Variants in PCDHGA10 observed in about 807,000 individuals in gnomAD.
PCDHGA10 encodes protocadherin gamma-A10.
PCDHGA10 carries 42 observed loss-of-function variants against 59.5 expected under a neutral mutation model. The observed-to-expected ratio is 0.71, with a 90% CI of 0.55 to 0.91. The LOEUF (loss-of-function observed/expected upper bound fraction) is 0.91, where lower values mean the gene tolerates loss of function less well. Among genes scored for constraint, PCDHGA10 ranks in the 40% least tolerant of loss-of-function variants. PCDHGA10 has a pLI of 0.00. For missense variants in PCDHGA10, 1,111 were observed against 1,198.2 expected (o/e 0.93, Z 1.07); for synonymous variants, 511 against 517.2 (o/e 0.99, Z 0.16).
At chr5:141,426,810 C>T (rs769435523) in intron 1 of PCDHGA10, 4 of 456,568 alleles carry the variant, frequency 8.8e-6, no homozygotes, top group Non-Finnish European at 1.8e-5. Flanking sequence ...TTCTAATGAA[C>T]ATTTCTCTCT....
In PCDHGA10 at chr5:141,413,195, G is replaced by A. The variant is rs771456948; in HGVS notation, c.20G>A (p.Arg7His). 2 of 1,610,846 alleles carry A rather than the reference G, an allele frequency of 1.2e-6. No homozygotes were observed. Among genetic ancestry groups the A allele is most frequent in the Admixed American group, 1.7e-5 (1 of 59,652 alleles). Residue 7 changes from arginine (R) to histidine (H), a missense_variant, in exon 1 of 4, where the codon CGC (arginine) becomes CAC (histidine). Coordinates refer to ENST00000398610, the MANE Select transcript of PCDHGA10 (RefSeq NM_018913.3). Reference sequence around the variant, plus strand: ...ACTACAATGGCCGCTCAAAGGAATCGCTCAAAGGAATCAAAGGATTGCAGC... The same window carrying A: ...ACTACAATGGCCGCTCAAAGGAATCACTCAAAGGAATCAAAGGATTGCAGC... The part of the protein sequence containing the change: MAAQRN[R>H]SKESKDCSGL...
chr5:141,422,727 G>A, intron 1 of PCDHGA10: 6 of 1,606,552 alleles, frequency 3.7e-6, no homozygotes, highest in Non-Finnish European at 5.1e-6. Flanking sequence ...TCCAGGGGGT[G>A]CCTCTGTCCT....
intron 2 of PCDHGA10, among the ~76,000 whole-genome samples, chr5:141,502,759 C>T (rs535899844): frequency 9.9e-5 from 15 of 152,130 alleles, no homozygotes; most frequent in African/African-American, 3.6e-4. Context: ...CATGTATTTG[C>T]TGGTATTCTT....
chr5:141,414,358 C>T lies in PCDHGA10; in HGVS notation c.1183C>T (p.Pro395Ser), dbSNP rs1414747968. The change falls in exon 1 of 4, where the codon CCA (proline) becomes TCA (serine). Residue 395 changes from proline (P) to serine (S), a missense_variant. Pro to Ser is a moderately conservative substitution (Grantham distance 74). Transcript: ENST00000398610. ...AACCTGTTCCATTTTGGCGTATCTA[C>T]CATTTAAATTAGAAAAGTCCATTGA... ...QVTCSILAYL[P>S]FKLEKSIDSY... The T allele has an allele frequency of 6.2e-7, 1 of 1,613,818 alleles. No individual in the cohort carries two copies. The highest frequency in any genetic ancestry group is 8.5e-7 in the Non-Finnish European group (1 of 1,179,838).
intron 1 of PCDHGA10, among the ~76,000 whole-genome samples, chr5:141,456,381 G>T (rs1296419395): frequency 6.6e-6 from 1 of 152,110 alleles, no homozygotes; most frequent in Admixed American, 6.6e-5. Context: ...TTACAGCACC[G>T]TTTGGAGTTT....
At chr5:141,437,939 T>C (rs1055613655) in intron 1 of PCDHGA10, among the ~76,000 whole-genome samples, 3 of 152,152 alleles carry the variant, frequency 2.0e-5, no homozygotes, top group African/African-American at 7.2e-5. Flanking sequence ...GGTTTCACCA[T>C]ATTGGCCAGA....
chr5:141,466,450 G>A lies in PCDHGA10; in HGVS notation c.2437-28357G>A, dbSNP rs139024933. Reference sequence around the variant, plus strand: ...TAAGCTGAACCGAGATGTCTATGGTGTTGGCTATTGTTTCTGCTGTTAATT... The same window carrying A: ...TAAGCTGAACCGAGATGTCTATGGTATTGGCTATTGTTTCTGCTGTTAATT... On this transcript the variant is annotated intron_variant, in intron 1 of 3. Coordinates refer to ENST00000398610, the MANE Select transcript of PCDHGA10 (RefSeq NM_018913.3). Among the ~76,000 whole-genome samples, 714 of 152,290 alleles carry A rather than the reference G, an allele frequency of 4.7e-3. 2 individuals are homozygous for A. Among genetic ancestry groups the A allele is most frequent in the Non-Finnish European group, 7.0e-3 (479 of 68,028 alleles).
intron 1 of PCDHGA10, among the ~76,000 whole-genome samples, chr5:141,475,204 A>G (rs2099360413): frequency 6.6e-6 from 1 of 152,176 alleles, no homozygotes; most frequent in African/African-American, 2.4e-5. Flanking sequence ...AGATCTTGGG[A>G]AAAGGATTGA....
chr5:141,486,745 C>T lies in PCDHGA10; in HGVS notation c.2437-8062C>T, dbSNP rs1167986336. On this transcript the variant is annotated intron_variant, in intron 1 of 3. Coordinates refer to ENST00000398610, the MANE Select transcript of PCDHGA10 (RefSeq NM_018913.3). This position sits in a 1 kb window ranked among gnomAD's most constrained non-coding sequence, Gnocchi z 5.0. ...CTGTTCATGCTACTCGATCCTTTGA[C>T]TATGAGCAAACCCAGACACTGCAGT... 3.1e-6 allele frequency: 5 copies of T among 1,614,226 alleles called. No homozygotes were observed. The highest frequency in any genetic ancestry group is 3.4e-6 in the Non-Finnish European group (4 of 1,180,044).
At chr5:141,466,123 A>G (rs961197575) in intron 1 of PCDHGA10, among the ~76,000 whole-genome samples, 1 of 151,364 alleles carries the variant, frequency 6.6e-6, no homozygotes, top group African/African-American at 2.4e-5. Flanking sequence ...CTCCAGCTCA[A>G]AAAAAAAATC....
At chr5:141,440,868 T>A (rs1288344051) in intron 1 of PCDHGA10, 1 of 152,150 alleles carries the variant, frequency 6.6e-6, no homozygotes, top group East Asian at 1.9e-4. Flanking sequence ...ATCTAGGATG[T>A]GTACAGCGTC....
intron 1 of PCDHGA10, among the ~76,000 whole-genome samples, chr5:141,484,795 C>T (rs1265916821): frequency 6.6e-6 from 1 of 151,784 alleles, no homozygotes; most frequent in African/African-American, 2.4e-5. Context: ...AGATAACAAC[C>T]CGTGGAAAAA....
chr5:141,502,524 C>T (rs959562458), intron 2 of PCDHGA10, among the ~76,000 whole-genome samples: 3 of 151,910 alleles, frequency 2.0e-5, no homozygotes, highest in East Asian at 1.9e-4. Flanking sequence ...TCAGTGATGC[C>T]GAGTTTGTTC....
chr5:141,491,980 C>T lies in PCDHGA10; in HGVS notation c.2437-2827C>T. ...AAAAAAGGCCGGGGCCTCCTTCGAG[C>T]TTCCGGTGAATTTCGGGCGATTTCC... On this transcript the variant is annotated intron_variant, in intron 1 of 3. Transcript: ENST00000398610. The surrounding 1 kb of genome is among the most constrained non-coding windows in gnomAD (Gnocchi z 6.9). The T allele has an allele frequency of 2.5e-6, 2 of 784,432 alleles. No individual in the cohort carries two copies. The highest frequency in any genetic ancestry group is 3.8e-6 in the Non-Finnish European group (2 of 530,588). 48.6% of individuals were successfully genotyped at this position (784,432 alleles called of 1,614,324 possible). A position where few individuals can be genotyped will look rare whatever the true frequency, so the allele number is the denominator to read the frequency against.
At chr5:141,426,625 A>G (rs770683989) in intron 1 of PCDHGA10, 29 of 394,754 alleles carry the variant, frequency 7.3e-5, no homozygotes, top group South Asian at 7.2e-5. Context: ...AATCCTCTAA[A>G]TGTTTTTCAC....
At chr5:141,420,056 T>C (rs1241770239) in intron 1 of PCDHGA10, 1 of 1,614,044 alleles carries the variant, frequency 6.2e-7, no homozygotes, top group Admixed American at 1.7e-5. Flanking sequence ...AGTTCTCTGC[T>C]CCAAGTCCGG....
chr5:141,472,308 G>A (rs897967832), intron 1 of PCDHGA10, among the ~76,000 whole-genome samples: 6 of 152,074 alleles, frequency 3.9e-5, no homozygotes, highest in South Asian at 4.1e-4. Context: ...TTGGGAAGCC[G>A]AGGCAGGCAG....
chr5:141,500,184 TTTTA>T (rs58019021), intron 2 of PCDHGA10, among the ~76,000 whole-genome samples: 6,359 of 135,894 alleles, frequency 0.047, 285 homozygotes, highest in African/African-American at 0.12. Context: ...TCATTTTTAT[TTTTA>T]TTTATTTATT....
chr5:141,474,566 G>A (rs2154572064), intron 1 of PCDHGA10, among the ~76,000 whole-genome samples: 1 of 152,336 alleles, frequency 6.6e-6, no homozygotes, highest in Non-Finnish European at 1.5e-5. Flanking sequence ...GGTTTTCAGA[G>A]ATTAATTGAA....
Sources: allele counts gnomAD v4.1 joint callset (sites outside exome capture counted in the v4.1 genomes callset), GRCh38; gene constraint gnomAD v4.1.1; non-coding constraint Gnocchi (gnomAD v3.1); transcripts MANE v1.5; gene names NCBI Gene and HGNC (gene_info 2026-07-23, HGNC 2026-07-21).